Variants in ARPP21 observed in about 807,000 individuals in gnomAD.
ARPP21 encodes cAMP regulated phosphoprotein 21.
A neutral mutation model predicts 113.2 loss-of-function variants in ARPP21; 69 were observed. The observed-to-expected ratio is 0.61, with a 90% CI of 0.50 to 0.74. ARPP21 has a LOEUF of 0.74. Among genes scored for constraint, ARPP21 ranks in the 30% least tolerant of loss-of-function variants. ARPP21 has a pLI of 0.00. For synonymous variants in ARPP21, 368 were observed against 375.5 expected (o/e 0.98, Z 0.23); for missense variants, 1,070 against 1,037.4 (o/e 1.03, Z -0.43).
At chr3:35,776,439 G>A (rs1251937890) in intron 19 of ARPP21, among the ~76,000 whole-genome samples, 1 of 152,122 alleles carries the variant, frequency 6.6e-6, no homozygotes, top group Non-Finnish European at 1.5e-5. Flanking sequence ...CAGAGGAAGG[G>A]TGGGCAACAT....
chr3:35,659,437 T>C (rs930347596), intron 1 of ARPP21, among the ~76,000 whole-genome samples: 4 of 152,192 alleles, frequency 2.6e-5, no homozygotes, highest in African/African-American at 9.6e-5. Context: ...AAGACATTTA[T>C]AGAAGACATT....
At chr3:35,653,109 G>T (rs1270545901) in intron 1 of ARPP21, among the ~76,000 whole-genome samples, 1 of 151,920 alleles carries the variant, frequency 6.6e-6, no homozygotes, top group Non-Finnish European at 1.5e-5. Flanking sequence ...TTGTTTTATT[G>T]TCTTGTACTG....
intron 9 of ARPP21, among the ~76,000 whole-genome samples, chr3:35,701,411 T>A (rs2086341135): frequency 6.6e-6 from 1 of 151,686 alleles, no homozygotes; most frequent in Non-Finnish European, 1.5e-5. Flanking sequence ...AAGAAATAAG[T>A]CTGTTTTGTT....
At chr3:35,671,488 A>G (rs1413200145) in intron 1 of ARPP21, among the ~76,000 whole-genome samples, 7 of 152,086 alleles carry the variant, frequency 4.6e-5, no homozygotes, top group Admixed American at 4.6e-4. Flanking sequence ...GACTGTTTTC[A>G]GTGGTGTTAA....
At chr3:35,763,566 A>T (rs1224729684) in intron 19 of ARPP21, among the ~76,000 whole-genome samples, 1 of 152,144 alleles carries the variant, frequency 6.6e-6, no homozygotes, top group Non-Finnish European at 1.5e-5. Context: ...AATCCCATGG[A>T]ACCACATGGA....
chr3:35,753,512 A>G (rs2095472431), intron 19 of ARPP21, among the ~76,000 whole-genome samples: 1 of 151,990 alleles, frequency 6.6e-6, no homozygotes, highest in Non-Finnish European at 1.5e-5. Flanking sequence ...GTGAAAATGT[A>G]TCCCTATCAC....
chr3:35,735,604 A>G (rs2094300963), intron 15 of ARPP21, among the ~76,000 whole-genome samples: 2 of 152,240 alleles, frequency 1.3e-5, no homozygotes, highest in South Asian at 2.1e-4. Flanking sequence ...AACATGTGCT[A>G]GGGCAGAGCT....
At chr3:35,671,836 A>C (rs1026647064) in intron 1 of ARPP21, among the ~76,000 whole-genome samples, 1 of 152,006 alleles carries the variant, frequency 6.6e-6, no homozygotes, top group Non-Finnish European at 1.5e-5. Flanking sequence ...CAAGGCCTAG[A>C]TGTTTGGCCA....
intron 11 of ARPP21, among the ~76,000 whole-genome samples, chr3:35,710,119 C>T (rs2150056486): frequency 6.6e-6 from 1 of 152,228 alleles, no homozygotes; most frequent in Middle Eastern, 3.4e-3. Context: ...CCGCCCCCTA[C>T]AACCCCCGCC....
chr3:35,761,585 C>A (rs1210020004), intron 19 of ARPP21, among the ~76,000 whole-genome samples: 2 of 151,988 alleles, frequency 1.3e-5, no homozygotes, highest in Non-Finnish European at 2.9e-5. Context: ...CAAACAAAAC[C>A]AAACCTCTGG....
chr3:35,693,609 G>T (rs1399523494), intron 9 of ARPP21, among the ~76,000 whole-genome samples: 1 of 151,684 alleles, frequency 6.6e-6, no homozygotes, highest in Non-Finnish European at 1.5e-5. Flanking sequence ...AAAGTCTGTT[G>T]CCATGCTCTT....
At chr3:35,750,695 C>T (rs1256269989) in intron 19 of ARPP21, among the ~76,000 whole-genome samples, 1 of 152,024 alleles carries the variant, frequency 6.6e-6, no homozygotes, top group Non-Finnish European at 1.5e-5. Flanking sequence ...TTTCTAAAGC[C>T]CTGGAATGAA....
intron 14 of ARPP21, among the ~76,000 whole-genome samples, chr3:35,728,695 T>C (rs2093727834): frequency 6.6e-6 from 1 of 152,176 alleles, no homozygotes; most frequent in Non-Finnish European, 1.5e-5. Flanking sequence ...ATGCCACTCC[T>C]TAAAAGGGAT....
intron 15 of ARPP21, among the ~76,000 whole-genome samples, chr3:35,733,668 C>T (rs1221225450): frequency 3.3e-5 from 5 of 152,208 alleles, no homozygotes; most frequent in African/African-American, 1.2e-4. Context: ...GAAAACCAAT[C>T]GTCACCTATC....
intron 14 of ARPP21, among the ~76,000 whole-genome samples, chr3:35,724,024 T>A (rs544877015): frequency 5.9e-5 from 9 of 152,334 alleles, no homozygotes; most frequent in East Asian, 5.8e-4. Flanking sequence ...AATTGCAAAC[T>A]TTTTTATGAC....
chr3:35,709,466 T>A (rs552840379), intron 11 of ARPP21, among the ~76,000 whole-genome samples: 7 of 152,266 alleles, frequency 4.6e-5, no homozygotes, highest in African/African-American at 1.7e-4. Context: ...GAAGAGAGAA[T>A]CTGTTTATCT....
chr3:35,780,218 A>G (rs952090776), intron 19 of ARPP21, among the ~76,000 whole-genome samples: 2 of 152,202 alleles, frequency 1.3e-5, no homozygotes, highest in South Asian at 2.1e-4. Flanking sequence ...AGCATCATCA[A>G]TGAATGTTCT....
chr3:35,733,195 T>A (rs2094114752), intron 15 of ARPP21, among the ~76,000 whole-genome samples: 1 of 151,778 alleles, frequency 6.6e-6, no homozygotes, highest in East Asian at 1.9e-4. Flanking sequence ...TATTTTTTAT[T>A]TGCTTTTTTT....
intron 9 of ARPP21, among the ~76,000 whole-genome samples, chr3:35,693,101 G>A (rs1010804935): frequency 6.6e-6 from 1 of 151,296 alleles, no homozygotes; most frequent in African/African-American, 2.4e-5. Flanking sequence ...ATACCTTTAG[G>A]AAGAGTTGAA....
Sources: gnomAD v4.1 joint callset for allele counts (sites outside exome capture counted in the v4.1 genomes callset) on GRCh38, gnomAD v4.1.1 for gene constraint, MANE v1.5 for transcripts, NCBI Gene and HGNC (gene_info 2026-07-23, HGNC 2026-07-21) for gene names.